The following SRGAP1 variants were observed in gnomAD, a reference collection of about 807,000 sequenced individuals.
SRGAP1 encodes SLIT-ROBO Rho GTPase activating protein 1, also known as SLIT-ROBO Rho GTPase-activating protein 1.
In SRGAP1, 43 loss-of-function variants were observed where a neutral mutation model predicts 121.9. The ratio of observed to expected loss-of-function variants is 0.35; its 90% CI spans 0.28 to 0.46. The LOEUF is 0.46. Ranked by LOEUF, SRGAP1 falls within the 20% of genes least tolerant of loss-of-function variation. The pLI, the probability that SRGAP1 is intolerant of heterozygous loss-of-function variation, is 1.00. For synonymous variants in SRGAP1, 447 were observed against 485.4 expected, an observed-to-expected ratio of 0.92 and a Z score of 1.04; for missense variants, 1,102 against 1,350.9, an observed-to-expected ratio of 0.82 and a Z score of 2.89.
At position 64,112,991 on chromosome 12, in the gene SRGAP1, A is replaced by G. The variant is rs76106770; in HGVS notation, c.2144+1005A>G. 1.3e-4 allele frequency among the ~76,000 whole-genome samples: 20 copies of G among 152,220 alleles called. No individual in the cohort carries two copies. In the East Asian group the frequency reaches 3.7e-3, roughly 28 times the overall value. On this transcript the variant is annotated intron_variant, in intron 17 of 21. Transcript: ENST00000355086. ...TGCAGTGGCTTGCACCTGTAGTCCC[A>G]GATACTTGAGAAGCTGAGGCTGGAA... is the stretch of plus-strand genomic sequence containing the variant.
intron 8 of SRGAP1, among the ~76,000 whole-genome samples, chr12:64,068,113 T>C (rs928144823): frequency 1.3e-5 from 2 of 151,480 alleles, no homozygotes; most frequent in African/African-American, 4.8e-5. Flanking sequence ...ACCCCGTCTC[T>C]ACTAAAATAT....
intron 1 of SRGAP1, among the ~76,000 whole-genome samples, chr12:63,971,294 C>A (rs547271537): frequency 6.6e-6 from 1 of 152,314 alleles, no homozygotes; most frequent in East Asian, 1.9e-4. Context: ...CTAATAGTTA[C>A]ATGTTTTCCT....
At position 64,145,445 on chromosome 12, in the gene SRGAP1, C is replaced by T. The variant is rs1263462470; in HGVS notation, c.*2773C>T. On this transcript the variant is annotated 3_prime_UTR_variant, in exon 22 of 22. Coordinates refer to ENST00000355086, the MANE Select transcript of SRGAP1 (RefSeq NM_020762.4). ...TTGGCCGGCAGGAGTCGTGCTGCTG[C>T]AGAGCCTCACAGGCTGTGCCTTGTT... is the stretch of plus-strand genomic sequence containing the variant. The T allele has an allele frequency of 3.3e-5, 5 of 152,322 alleles. No individual in the cohort carries two copies. The highest frequency in any genetic ancestry group is 7.3e-5 in the Non-Finnish European group (5 of 68,164). 9.4% of individuals were successfully genotyped at this position (152,322 alleles called of 1,614,324 possible).
Position 64,008,495 on chromosome 12 carries a change from C to T in SRGAP1, c.427-8455C>T, listed in dbSNP as rs147421771. On this transcript the variant is annotated intron_variant, in intron 3 of 21. Coordinates refer to ENST00000355086, the MANE Select transcript of SRGAP1 (RefSeq NM_020762.4). ...AATCTTTAAAGGAAGTTTCTGATTT[C>T]GTTTAAATTTTTAAAGATCAATTAC... Among the ~76,000 whole-genome samples, 880 of 152,114 alleles carry T rather than the reference C, an allele frequency of 5.8e-3. 10 individuals are homozygous for T. Among genetic ancestry groups the T allele is most frequent in the African/African-American group, 0.019 (808 of 41,470 alleles).
chr12:64,063,217 G>A, intron 7 of SRGAP1, 79 bp downstream of exon 7: 1 of 1,285,764 alleles, frequency 7.8e-7, no homozygotes, highest in Non-Finnish European at 1.1e-6. Flanking sequence ...TCTAACAGTT[G>A]TAATAATTCC....
At position 64,067,303 on chromosome 12, in the gene SRGAP1, C is replaced by T. The variant is rs142142356; in HGVS notation, c.1125+2084C>T. 3.0e-3 allele frequency among the ~76,000 whole-genome samples: 462 copies of T among 152,242 alleles called. 3 individuals carry two copies. Among genetic ancestry groups the T allele is most frequent in the African/African-American group, 0.01 (422 of 41,552 alleles). ...TAATTTTTAAAAATTATCTAAAGAACTTGGGAAGCTGAGGGAGGATCTGTT... is the reference window on the plus strand; with the variant it reads ...TAATTTTTAAAAATTATCTAAAGAATTTGGGAAGCTGAGGGAGGATCTGTT... On this transcript the variant is annotated intron_variant, in intron 8 of 21. Coordinates refer to ENST00000355086, the MANE Select transcript of SRGAP1 (RefSeq NM_020762.4).
chr12:64,032,304 T>C, intron 4 of SRGAP1: 1 of 333,364 alleles, frequency 3.0e-6, no homozygotes, highest in South Asian at 3.1e-5. Flanking sequence ...TTCCATCCCA[T>C]GGGCAGGCCA....
intron 3 of SRGAP1, among the ~76,000 whole-genome samples, chr12:64,006,090 A>G (rs1439364403): frequency 1.3e-5 from 2 of 152,180 alleles, no homozygotes; most frequent in Non-Finnish European, 2.9e-5. Context: ...GAGAGCACAA[A>G]GGATTGAGTA....
chr12:63,972,209 A>G (rs939863567), intron 1 of SRGAP1, among the ~76,000 whole-genome samples: 11 of 152,196 alleles, frequency 7.2e-5, no homozygotes, highest in African/African-American at 2.4e-4. Flanking sequence ...AAAAGTCTCT[A>G]ATAGAGGTAT....
At chr12:63,884,080 TGA>T (rs1313600562) in intron 1 of SRGAP1, among the ~76,000 whole-genome samples, 9 of 150,742 alleles carry the variant, frequency 6.0e-5, no homozygotes, top group African/African-American at 2.2e-4. Context: ...GTCAGGAGTT[TGA>T]GACCAGCCGG....
intron 1 of SRGAP1, among the ~76,000 whole-genome samples, chr12:63,921,496 C>T (rs1362546508): frequency 6.6e-6 from 1 of 152,174 alleles, no homozygotes; most frequent in African/African-American, 2.4e-5. Context: ...CATTTCCCTT[C>T]CTGGGCGTTT....
intron 1 of SRGAP1, among the ~76,000 whole-genome samples, chr12:63,922,748 A>G (rs920682868): frequency 2.6e-5 from 4 of 152,232 alleles, no homozygotes; most frequent in African/African-American, 7.2e-5. Flanking sequence ...GTCTCTCCCA[A>G]TGAACTGTAA....
chr12:64,034,872 T>C (rs2034863325), intron 4 of SRGAP1, among the ~76,000 whole-genome samples: 1 of 152,152 alleles, frequency 6.6e-6, no homozygotes, highest in African/African-American at 2.4e-5. Context: ...CTATAAATGC[T>C]GCTTTGCAAG....
chr12:63,908,546 C>T (rs2030335590), intron 1 of SRGAP1, among the ~76,000 whole-genome samples: 2 of 152,098 alleles, frequency 1.3e-5, no homozygotes, highest in South Asian at 2.1e-4. Context: ...CCCACCACCA[C>T]ACCTGGCTAA....
intron 1 of SRGAP1, among the ~76,000 whole-genome samples, chr12:63,944,975 A>T (rs543024064): frequency 6.6e-6 from 1 of 152,296 alleles, no homozygotes; most frequent in Admixed American, 6.5e-5. Flanking sequence ...AGTGACATGG[A>T]TGGGAGCCAC....
At chr12:63,998,587 C>A (rs960721829) in intron 3 of SRGAP1, among the ~76,000 whole-genome samples, 1 of 152,154 alleles carries the variant, frequency 6.6e-6, no homozygotes. Flanking sequence ...GGCACAGATT[C>A]CCACCTAACT....
At chr12:63,986,023 A>G (rs954358867) in intron 2 of SRGAP1, among the ~76,000 whole-genome samples, 1 of 152,126 alleles carries the variant, frequency 6.6e-6, no homozygotes, top group Admixed American at 6.5e-5. Context: ...AGCAAACACA[A>G]AACTATTCTG....
rs575961530 is a variant in SRGAP1, at chr12:64,001,155, A to G, written c.426+11083A>G. Among the ~76,000 whole-genome samples, 44 of 152,288 alleles carry G rather than the reference A, an allele frequency of 2.9e-4. No homozygotes were observed. The Middle Eastern group carries it at 0.01, about 35-fold the overall frequency. ...AAATCATCCTCTTTTCAAAAAGAAC[A>G]CAGATTAGGTCTTATATATAATATT... is the stretch of plus-strand genomic sequence containing the variant. On this transcript the variant is annotated intron_variant, in intron 3 of 21. Transcript: ENST00000355086.
At chr12:63,904,233 T>G (rs1306665982) in intron 1 of SRGAP1, among the ~76,000 whole-genome samples, 1 of 152,198 alleles carries the variant, frequency 6.6e-6, no homozygotes, top group Non-Finnish European at 1.5e-5. Flanking sequence ...GCCCACCTTC[T>G]AAAGACTATA....
Sources: allele counts gnomAD v4.1 joint callset (sites outside exome capture counted in the v4.1 genomes callset), GRCh38; gene constraint gnomAD v4.1.1; transcripts MANE v1.5; gene names NCBI Gene and HGNC (gene_info 2026-07-23, HGNC 2026-07-21).